PYGO1: variants seen among roughly 807,000 people sequenced by gnomAD.
PYGO1 encodes the protein pygopus family PHD finger 1.
PYGO1 carries 6 observed loss-of-function variants against 29.5 expected under a neutral mutation model. The ratio of observed to expected loss-of-function variants is 0.20; its 90% CI spans 0.11 to 0.40. The LOEUF (loss-of-function observed/expected upper bound fraction) is 0.40. PYGO1 is among the 10% of genes least tolerant of loss of function. The probability of loss-of-function intolerance (pLI) is 1.00; values close to 1 mark genes in which losing one functional copy is unlikely to be tolerated. For synonymous variants in PYGO1, 186 were observed against 180.5 expected, an observed-to-expected ratio of 1.03 and a Z score of -0.24; for missense variants, 515 against 514.9, an observed-to-expected ratio of 1.00 and a Z score of 0.00.
chr15:55,562,737 A>C (rs2058938349), intron 1 of PYGO1, among the ~76,000 whole-genome samples: 1 of 152,194 alleles, frequency 6.6e-6, no homozygotes, highest in Non-Finnish European at 1.5e-5. Flanking sequence ...AAAGACATGG[A>C]ATCAATCCAA....
At chr15:55,583,342 G>T (rs569148021) in intron 1 of PYGO1, among the ~76,000 whole-genome samples, 2 of 149,456 alleles carry the variant, frequency 1.3e-5, no homozygotes, top group African/African-American at 2.5e-5. Context: ...GGGTTCTTCT[G>T]TAAATCTACA....
At chr15:55,584,077 TA>T (rs1444148055) in intron 1 of PYGO1, among the ~76,000 whole-genome samples, 2 of 151,760 alleles carry the variant, frequency 1.3e-5, no homozygotes, top group Non-Finnish European at 2.9e-5. Context: ...GTACTAGACT[TA>T]ACAATTTCTT....
chr15:55,545,917 G>T lies in PYGO1; in HGVS notation c.*106C>A. ...GATTAATAAAAACTAAGTAAATAATGTTTTTGTGTATGCATTTAAAAAAAT... is the reference window on the plus strand; with the variant it reads ...GATTAATAAAAACTAAGTAAATAATTTTTTTGTGTATGCATTTAAAAAAAT... On this transcript the variant is annotated 3_prime_UTR_variant, in exon 3 of 3. Transcript: ENST00000563719. The T allele has an allele frequency of 8.0e-7, 1 of 1,255,368 alleles. No individual in the cohort carries two copies. The highest frequency in any genetic ancestry group is 1.1e-6 in the Non-Finnish European group (1 of 913,780). 77.8% of individuals were successfully genotyped at this position (1,255,368 alleles called of 1,614,324 possible). A position where few individuals can be genotyped will look rare whatever the true frequency, so the allele number is the denominator to read the frequency against.
In PYGO1 at chr15:55,545,969, A is replaced by G; in HGVS notation, c.*54T>C. On this transcript the variant is annotated 3_prime_UTR_variant, in exon 3 of 3. Transcript: ENST00000563719. Reference sequence around the variant, plus strand: ...ATGTAAAACATTAAAATCCTGTGTCAATGAACTTCTGCAATGCACAGGAAA... The same window carrying G: ...ATGTAAAACATTAAAATCCTGTGTCGATGAACTTCTGCAATGCACAGGAAA... 6.8e-7 allele frequency: 1 copy of G among 1,465,496 alleles called. No homozygotes were observed. The highest frequency in any genetic ancestry group is 9.2e-7 in the Non-Finnish European group (1 of 1,085,814). 90.8% of individuals were successfully genotyped at this position (1,465,496 alleles called of 1,614,324 possible). A position where few individuals can be genotyped will look rare whatever the true frequency, so the allele number is the denominator to read the frequency against.
chr15:55,555,805 C>T (rs952442925), intron 1 of PYGO1, among the ~76,000 whole-genome samples: 1 of 151,998 alleles, frequency 6.6e-6, no homozygotes, highest in Non-Finnish European at 1.5e-5. Context: ...CAAAGACACA[C>T]ATAGGCTCAA....
chr15:55,570,596 A>C (rs537953129), intron 1 of PYGO1, among the ~76,000 whole-genome samples: 53 of 152,076 alleles, frequency 3.5e-4, no homozygotes, highest in Non-Finnish European at 6.2e-4. Context: ...TTCTTGTTAT[A>C]AAATTTTAAA....
At chr15:55,556,795 G>GA (rs35476376) in intron 1 of PYGO1, among the ~76,000 whole-genome samples, 134,432 of 151,846 alleles carry the variant, frequency 0.89, 59,612 homozygotes, top group Admixed American at 0.92. Flanking sequence ...AATCAGAAAT[G>GA]AAAGGGGGAT....
chr15:55,542,961 C>A lies in PYGO1; in HGVS notation c.*3062G>T, dbSNP rs78177614. 0.15 allele frequency: 22,034 copies of A among 147,678 alleles called. 3,279 individuals are homozygous for A. The highest frequency in any genetic ancestry group is 0.43 in the East Asian group (2,191 of 5,082). 9.1% of individuals were successfully genotyped at this position (147,678 alleles called of 1,614,324 possible). A position where few individuals can be genotyped will look rare whatever the true frequency, so the allele number is the denominator to read the frequency against. ...ACAAAACAAAACAAAACAAAAAAAA[C>A]AAAAAAAAACCCACCTTTCTGTCAA... On this transcript the variant is annotated 3_prime_UTR_variant, in exon 3 of 3. Transcript: ENST00000563719.
chr15:55,582,404 A>G (rs756847175), intron 1 of PYGO1, among the ~76,000 whole-genome samples: 2 of 151,964 alleles, frequency 1.3e-5, no homozygotes, highest in African/African-American at 2.4e-5. Flanking sequence ...ACCCCTCATT[A>G]GTCCATTCTT....
chr15:55,560,174 T>C (rs1034177372), intron 1 of PYGO1, among the ~76,000 whole-genome samples: 1 of 152,080 alleles, frequency 6.6e-6, no homozygotes, highest in African/African-American at 2.4e-5. Flanking sequence ...GTACTCAAAG[T>C]TCTGGTCAGG....
At chr15:55,568,305 C>T (rs923490697) in intron 1 of PYGO1, among the ~76,000 whole-genome samples, 3 of 130,168 alleles carry the variant, frequency 2.3e-5, no homozygotes, top group Middle Eastern at 4.2e-3. Context: ...ATGGTTAAGA[C>T]GTATTTCCTA....
intron 1 of PYGO1, among the ~76,000 whole-genome samples, chr15:55,570,305 G>C (rs991006391): frequency 5.3e-5 from 8 of 152,124 alleles, no homozygotes; most frequent in African/African-American, 1.9e-4. Flanking sequence ...GCTGAGGCAT[G>C]CCAAAAGCCT....
In PYGO1 at chr15:55,548,850, C is replaced by T. The variant is rs1382223024; in HGVS notation, c.135+60G>A. 3 of 1,361,648 alleles carry T rather than the reference C, an allele frequency of 2.2e-6. 1 individual carries two copies. Among genetic ancestry groups the T allele is most frequent in the East Asian group, 5.0e-5 (2 of 40,090 alleles). 84.3% of individuals were successfully genotyped at this position (1,361,648 alleles called of 1,614,324 possible). A position where few individuals can be genotyped will look rare whatever the true frequency, so the allele number is the denominator to read the frequency against. ...AAACTTATGACCAAGTTCAAATTTA[C>T]CTCATCAGCCTGACCATACTAGCAA... is the stretch of plus-strand genomic sequence containing the variant. On this transcript the variant is annotated intron_variant, in intron 2 of 2. Transcript: ENST00000563719.
intron 1 of PYGO1, among the ~76,000 whole-genome samples, chr15:55,553,046 C>G (rs2058886813): frequency 6.6e-6 from 1 of 152,234 alleles, no homozygotes; most frequent in African/African-American, 2.4e-5. Flanking sequence ...CTCAGCTGTT[C>G]TAGCCTGCTG....
intron 1 of PYGO1, among the ~76,000 whole-genome samples, chr15:55,556,453 A>G (rs1595984502): frequency 6.6e-6 from 1 of 152,230 alleles, no homozygotes; most frequent in South Asian, 2.1e-4. Flanking sequence ...AACTAATGAG[A>G]ACAAAGAGAC....
chr15:55,585,166 CTA>C (rs1297804830), intron 1 of PYGO1, among the ~76,000 whole-genome samples: 1 of 152,116 alleles, frequency 6.6e-6, no homozygotes, highest in Non-Finnish European at 1.5e-5. Context: ...CATGTAATTG[CTA>C]TATGTGTGTT....
intron 1 of PYGO1, among the ~76,000 whole-genome samples, chr15:55,576,411 C>A (rs374268931): frequency 0.013 from 1,468 of 115,590 alleles, 36 homozygotes; most frequent in African/African-American, 0.047. Flanking sequence ...AGCCGAGATC[C>A]CGCCACTGCA....
chr15:55,561,020 A>G (rs574064850), intron 1 of PYGO1, among the ~76,000 whole-genome samples: 1 of 152,108 alleles, frequency 6.6e-6, no homozygotes, highest in South Asian at 2.1e-4. Flanking sequence ...AAAGAGCCCA[A>G]ATAGCCAAGA....
chr15:55,567,770 T>G (rs1173567132), intron 1 of PYGO1, among the ~76,000 whole-genome samples: 1 of 152,170 alleles, frequency 6.6e-6, no homozygotes, highest in African/African-American at 2.4e-5. Context: ...ATCTTAATTT[T>G]TGTACATGGT....
Sources: allele counts gnomAD v4.1 joint callset (sites outside exome capture counted in the v4.1 genomes callset), GRCh38; gene constraint gnomAD v4.1.1; transcripts MANE v1.5; gene names NCBI Gene and HGNC (gene_info 2026-07-23, HGNC 2026-07-21).